EVI5: variants seen among roughly 807,000 people sequenced by gnomAD.
The protein encoded by EVI5 is ecotropic viral integration site 5 protein homolog.
A neutral mutation model predicts 112.0 loss-of-function variants in EVI5; 73 were observed. The ratio of observed to expected loss-of-function variants is 0.65; its 90% confidence interval spans 0.54 to 0.79. The LOEUF (loss-of-function observed/expected upper bound fraction) is 0.79, where lower values mean the gene tolerates loss of function less well. EVI5 is among the 30% of genes least tolerant of loss of function. EVI5 has a pLI of 0.00. For synonymous variants in EVI5, 305 were observed against 319.9 expected, an observed-to-expected ratio of 0.95 and a Z score of 0.50; for missense variants, 900 against 968.8, an observed-to-expected ratio of 0.93 and a Z score of 0.94.
At chr1:92,614,631 T>C (rs778192740) in intron 16 of EVI5, among the ~76,000 whole-genome samples, 1 of 151,988 alleles carries the variant, frequency 6.6e-6, no homozygotes, top group Non-Finnish European at 1.5e-5. Context: ...CTTTGTCCCG[T>C]GCTGGATGCT....
intron 9 of EVI5, among the ~76,000 whole-genome samples, chr1:92,680,974 C>T (rs576330650): frequency 1.3e-5 from 2 of 152,156 alleles, no homozygotes; most frequent in Admixed American, 6.5e-5. Flanking sequence ...GATCCTAGAG[C>T]GGACCCTGGA....
At chr1:92,706,217 C>T (rs1291893783) in intron 2 of EVI5, among the ~76,000 whole-genome samples, 2 of 151,778 alleles carry the variant, frequency 1.3e-5, no homozygotes, top group African/African-American at 2.4e-5. Flanking sequence ...AAAATTATTT[C>T]AGAACAAGGT....
intron 13 of EVI5, among the ~76,000 whole-genome samples, chr1:92,641,837 G>A (rs1474920445): frequency 6.6e-6 from 1 of 152,156 alleles, no homozygotes; most frequent in Non-Finnish European, 1.5e-5. Flanking sequence ...CACTAAAATT[G>A]TTGAAAAATA....
intron 1 of EVI5, among the ~76,000 whole-genome samples, chr1:92,762,875 A>G (rs1197204796): frequency 6.6e-6 from 1 of 152,178 alleles, no homozygotes; most frequent in Non-Finnish European, 1.5e-5. Flanking sequence ...TACAATATAC[A>G]CTATCCAGGT....
intron 13 of EVI5, 44 bp from the exon 14 acceptor site, chr1:92,636,380 CAT>C: frequency 5.9e-6 from 9 of 1,527,010 alleles, no homozygotes; most frequent in Non-Finnish European, 7.2e-6. Flanking sequence ...AAAGTATAAA[CAT>C]GTATATACAA....
intron 19 of EVI5, among the ~76,000 whole-genome samples, chr1:92,545,216 T>G (rs1250298783): frequency 6.6e-6 from 1 of 152,178 alleles, no homozygotes; most frequent in Non-Finnish European, 1.5e-5. Context: ...ATACTGTTAT[T>G]GTTTATTTTT....
intron 1 of EVI5, among the ~76,000 whole-genome samples, chr1:92,760,103 T>C (rs563173777): frequency 6.6e-6 from 1 of 152,340 alleles, no homozygotes; most frequent in South Asian, 2.1e-4. Context: ...ATATTATTTA[T>C]ACTTCTTTTT....
chr1:92,640,484 G>T (rs901484157), intron 13 of EVI5, among the ~76,000 whole-genome samples: 2 of 151,972 alleles, frequency 1.3e-5, no homozygotes, highest in African/African-American at 4.8e-5. Context: ...CATTTACACG[G>T]CCAAAAAACA....
Position 92,703,431 on chromosome 1 carries a change from A to G in EVI5, c.528T>C (p.Asp176=). 2 of 1,584,638 alleles carry G rather than the reference A, an allele frequency of 1.3e-6. No homozygotes were observed. The highest frequency in any genetic ancestry group is 1.7e-6 in the Non-Finnish European group (2 of 1,171,396). The change falls in exon 4 of 20, where the codon GAT becomes GAC. Residue 176 remains aspartate, a synonymous_variant. Coordinates refer to ENST00000684568, the MANE Select transcript of EVI5 (RefSeq NM_001350197.2). ...YPEHNFFKEK[D]SLGQEVLFNV... The stretch of plus-strand genomic sequence containing the variant: ...TAAATAAAACCTCCTGTCCAAGGCT[A>G]TCTTTTTCCTTAAAAAAGTTGTGTT...
intron 19 of EVI5, among the ~76,000 whole-genome samples, chr1:92,559,600 C>T (rs370351618): frequency 2.6e-5 from 4 of 151,552 alleles, no homozygotes; most frequent in South Asian, 2.1e-4. Context: ...GGTGAAACTC[C>T]GTCTCTACTA....
chr1:92,756,596 G>T, intron 1 of EVI5: 1 of 502,206 alleles, frequency 2.0e-6, no homozygotes, highest in South Asian at 1.5e-5. Context: ...GGACAAGCAG[G>T]ACCTCAAATG....
chr1:92,637,093 T>C lies in EVI5; in HGVS notation c.1393-757A>G, dbSNP rs911738803. On this transcript the variant is annotated intron_variant, in intron 13 of 19. Coordinates refer to ENST00000684568, the MANE Select transcript of EVI5 (RefSeq NM_001350197.2). The stretch of plus-strand genomic sequence containing the variant: ...AAAATTGTATTTGTCCTTAGAAATG[T>C]AGAAATCTTCTTCAAAAGATATGCA... Among the ~76,000 whole-genome samples the C allele has an allele frequency of 6.6e-4, 101 of 152,304 alleles. 1 individual carries two copies. Among genetic ancestry groups the C allele is most frequent in the African/African-American group, 2.3e-3 (97 of 41,576 alleles).
At chr1:92,768,135 C>T (rs1031082934) in intron 1 of EVI5, among the ~76,000 whole-genome samples, 1 of 66,876 alleles carries the variant, frequency 1.5e-5, no homozygotes, top group Non-Finnish European at 2.9e-5. Flanking sequence ...TGGTTAGTTT[C>T]AAATATAACA....
chr1:92,711,925 T>C (rs1672908040), intron 2 of EVI5, among the ~76,000 whole-genome samples: 1 of 152,142 alleles, frequency 6.6e-6, no homozygotes, highest in Admixed American at 6.5e-5. Context: ...CCAGCAAGTT[T>C]GGCATAAGAT....
At chr1:92,718,620 A>G (rs942565486) in intron 2 of EVI5, among the ~76,000 whole-genome samples, 1 of 152,322 alleles carries the variant, frequency 6.6e-6, no homozygotes, top group Non-Finnish European at 1.5e-5. Context: ...CCATAACATC[A>G]CAATTAAAAG....
intron 19 of EVI5, among the ~76,000 whole-genome samples, chr1:92,530,742 T>C (rs1195414676): frequency 6.6e-6 from 1 of 151,606 alleles, no homozygotes; most frequent in Admixed American, 6.6e-5. Flanking sequence ...AGTATCAACA[T>C]CAACAAAAAG....
At chr1:92,550,813 TAACAAAAAAAACAAAAG>T (rs1666778709) in intron 19 of EVI5, among the ~76,000 whole-genome samples, 1 of 80,118 alleles carries the variant, frequency 1.2e-5, no homozygotes, top group Non-Finnish European at 2.4e-5. Context: ...TATATATATA[TAACAAAAAAAACAAAAG>T]ATATATTCAA....
At chr1:92,697,243 G>T (rs12756698) in intron 6 of EVI5, among the ~76,000 whole-genome samples, 30,257 of 151,556 alleles carry the variant, frequency 0.2, 3,520 homozygotes, top group Non-Finnish European at 0.26. Context: ...TGAAATAAAT[G>T]AAAATATTTA....
chr1:92,739,182 A>G (rs1323870618), intron 1 of EVI5, among the ~76,000 whole-genome samples: 1 of 151,238 alleles, frequency 6.6e-6, no homozygotes, highest in African/African-American at 2.4e-5. Flanking sequence ...CTGAGGCAGG[A>G]GAATCACTTG....
Sources: allele counts gnomAD v4.1 joint callset (sites outside exome capture counted in the v4.1 genomes callset), GRCh38; gene constraint gnomAD v4.1.1; transcripts MANE v1.5; gene names NCBI Gene and HGNC (gene_info 2026-07-23, HGNC 2026-07-21).